COL21A1: variants seen among roughly 807,000 people sequenced by gnomAD.
COL21A1 encodes the protein collagen alpha-1(XXI) chain.
In COL21A1, 149 loss-of-function variants were observed where a neutral mutation model predicts 137.9. That is an observed-to-expected ratio of 1.08 (90% CI 0.95 to 1.24). COL21A1 has a LOEUF of 1.24. Ranked by LOEUF, COL21A1 falls within the 50% of genes most tolerant of loss-of-function variation. COL21A1 has a pLI of 0.00. For missense variants in COL21A1, 1,167 were observed against 1,158.4 expected (o/e 1.01, Z -0.11); for synonymous variants, 456 against 391.5 (o/e 1.16, Z -1.95).
chr6:56,105,057 C>T (rs930352666), intron 16 of COL21A1, among the ~76,000 whole-genome samples: 6 of 152,116 alleles, frequency 3.9e-5, no homozygotes, highest in East Asian at 1.9e-4. Context: ...AGCATGCCTG[C>T]GGATGTATTA....
At chr6:56,059,826 C>T (rs1367691938) in intron 28 of COL21A1, among the ~76,000 whole-genome samples, 192 bp downstream of exon 28, 1 of 152,102 alleles carries the variant, frequency 6.6e-6, no homozygotes, top group Non-Finnish European at 1.5e-5. Context: ...ATAAATTTGA[C>T]TTCTCTTTTT....
intron 3 of COL21A1, among the ~76,000 whole-genome samples, 197 bp from the exon 4 acceptor site, chr6:56,171,325 G>A (rs1381632455): frequency 6.6e-6 from 1 of 151,786 alleles, no homozygotes; most frequent in African/African-American, 2.4e-5. Flanking sequence ...ACACATTTAA[G>A]AGTGAGATCT....
chr6:56,216,693 T>G (rs768720151), intron 1 of COL21A1, among the ~76,000 whole-genome samples: 2 of 152,068 alleles, frequency 1.3e-5, no homozygotes, highest in Non-Finnish European at 2.9e-5. Flanking sequence ...AATTCTTTTC[T>G]CTAACCACCT....
chr6:56,358,135 A>G (rs903904535), intron 1 of COL21A1, among the ~76,000 whole-genome samples: 15 of 152,138 alleles, frequency 9.9e-5, no homozygotes, highest in African/African-American at 3.6e-4. Flanking sequence ...TCTAAGGGGT[A>G]TATAAAATGA....
intron 1 of COL21A1, among the ~76,000 whole-genome samples, chr6:56,208,250 G>A (rs1263115686): frequency 6.6e-6 from 1 of 152,016 alleles, no homozygotes; most frequent in Admixed American, 6.6e-5. Flanking sequence ...TATTTGGAAA[G>A]ATGACATGAT....
chr6:56,110,619 T>C (rs1017834427), intron 16 of COL21A1, among the ~76,000 whole-genome samples: 1 of 152,098 alleles, frequency 6.6e-6, no homozygotes, highest in Middle Eastern at 3.4e-3. Flanking sequence ...TTGCAGGAAC[T>C]AATAAGTGAA....
chr6:56,078,687 CA>C (rs1285759316), intron 17 of COL21A1, among the ~76,000 whole-genome samples: 1 of 151,644 alleles, frequency 6.6e-6, no homozygotes, highest in African/African-American at 2.4e-5. Flanking sequence ...AAGACATAAA[CA>C]CATAGTTCTA....
chr6:56,330,783 G>A (rs555601252), intron 1 of COL21A1, among the ~76,000 whole-genome samples: 40 of 152,148 alleles, frequency 2.6e-4, no homozygotes, highest in Non-Finnish European at 3.7e-4. Context: ...GTGACTTTTT[G>A]ATGTCAAGGT....
chr6:56,325,159 T>A (rs999765603), intron 1 of COL21A1, among the ~76,000 whole-genome samples: 2 of 145,552 alleles, frequency 1.4e-5, no homozygotes, highest in African/African-American at 5.1e-5. Flanking sequence ...ATAAAATTTA[T>A]CAAATAAATT....
At chr6:56,159,875 TA>T (rs1030211808) in intron 9 of COL21A1, among the ~76,000 whole-genome samples, 140 of 152,200 alleles carry the variant, frequency 9.2e-4, no homozygotes, top group African/African-American at 3.3e-3. Context: ...CATACAATTA[TA>T]AAAAAGATAT....
chr6:56,249,567 T>C (rs1782804472), upstream of COL21A1, among the ~76,000 whole-genome samples: 1 of 152,228 alleles, frequency 6.6e-6, no homozygotes, highest in African/African-American at 2.4e-5. Flanking sequence ...TAAATCATGG[T>C]TGAACCTGAG....
intron 1 of COL21A1, among the ~76,000 whole-genome samples, chr6:56,276,183 A>AC (rs1332124778): frequency 6.6e-6 from 1 of 152,224 alleles, no homozygotes; most frequent in East Asian, 1.9e-4. Flanking sequence ...ACACATGGTA[A>AC]AGATGGGGAC....
chr6:56,167,033 T>C (rs1235584328), intron 6 of COL21A1, 50 bp from the exon 7 acceptor site: 1 of 1,334,936 alleles, frequency 7.5e-7, no homozygotes, highest in South Asian at 1.2e-5. Flanking sequence ...AGCTAATTGT[T>C]TTATAAGAGC....
At chr6:56,209,448 C>T (rs1311528853) in intron 1 of COL21A1, among the ~76,000 whole-genome samples, 3 of 152,122 alleles carry the variant, frequency 2.0e-5, no homozygotes, top group Non-Finnish European at 4.4e-5. Flanking sequence ...AAATAAGCAA[C>T]CCCATCAAAA....
At chr6:56,135,691 T>A (rs576097885) in intron 12 of COL21A1, among the ~76,000 whole-genome samples, 1 of 152,280 alleles carries the variant, frequency 6.6e-6, no homozygotes, top group African/African-American at 2.4e-5. Flanking sequence ...TAAATAATAA[T>A]AATAAATAAA....
chr6:56,292,163 TG>T (rs1333504879), intron 1 of COL21A1, among the ~76,000 whole-genome samples: 2 of 152,096 alleles, frequency 1.3e-5, no homozygotes, highest in Non-Finnish European at 2.9e-5. Flanking sequence ...AATGAGACTC[TG>T]TCTCAAAAAA....
intron 1 of COL21A1, among the ~76,000 whole-genome samples, chr6:56,188,716 T>C (rs1778467652): frequency 6.6e-6 from 1 of 152,082 alleles, no homozygotes; most frequent in Admixed American, 6.5e-5. Context: ...AGACACCTCA[T>C]AGAGAAGAGC....
chr6:56,383,869 G>A (rs891290312), intron 1 of COL21A1, among the ~76,000 whole-genome samples: 1 of 152,192 alleles, frequency 6.6e-6, no homozygotes, highest in Non-Finnish European at 1.5e-5. Context: ...AGATATTTGA[G>A]GGTGAGGGAT....
At chr6:56,087,262 C>G (rs1768356308) in intron 17 of COL21A1, among the ~76,000 whole-genome samples, 1 of 152,154 alleles carries the variant, frequency 6.6e-6, no homozygotes. Flanking sequence ...TGGTGTAATT[C>G]TTCCAGACTT....
Sources: gnomAD v4.1 joint callset for allele counts (sites outside exome capture counted in the v4.1 genomes callset) on GRCh38, gnomAD v4.1.1 for gene constraint, MANE v1.5 for transcripts, NCBI Gene and HGNC (gene_info 2026-07-23, HGNC 2026-07-21) for gene names.